The following ACSF3 variants were observed in gnomAD, a reference collection of about 807,000 sequenced individuals.
ACSF3 encodes acyl-CoA synthetase family member 3, also known as malonate--CoA ligase ACSF3, mitochondrial.
In ACSF3, 78 loss-of-function variants were observed where a neutral mutation model predicts 53.2. The ratio of observed to expected loss-of-function variants is 1.47; its 90% CI spans 1.22 to 1.77. ACSF3 has a LOEUF of 1.77. Ranked by LOEUF, ACSF3 falls within the 40% of genes most tolerant of loss-of-function variation. The pLI is 0.00. For missense variants in ACSF3, 937 were observed against 771.1 expected (o/e 1.22, Z -2.55); for synonymous variants, 414 against 333.1 (o/e 1.24, Z -2.65).
intron 6 of ACSF3, among the ~76,000 whole-genome samples, chr16:89,115,526 G>A (rs914768218): frequency 6.6e-6 from 1 of 152,276 alleles, no homozygotes; most frequent in South Asian, 2.1e-4. Context: ...CATCCGTGGT[G>A]TGGGTGCGGC....
intron 10 of ACSF3, chr16:89,149,696 G>A (rs975373306): frequency 6.6e-6 from 1 of 152,304 alleles, no homozygotes; most frequent in African/African-American, 2.4e-5. Flanking sequence ...GAACCGCCCA[G>A]AGTTGGGTGT....
At chr16:89,133,417 G>T (rs1360065824) in intron 8 of ACSF3, among the ~76,000 whole-genome samples, 155 bp downstream of exon 8, 2 of 152,156 alleles carry the variant, frequency 1.3e-5, no homozygotes, top group African/African-American at 4.8e-5. Context: ...CACTGTTACG[G>T]CACTGCCTCC....
chr16:89,095,258 C>G (rs943272124), intron 1 of ACSF3: 1 of 152,182 alleles, frequency 6.6e-6, no homozygotes, highest in African/African-American at 2.4e-5. Flanking sequence ...ACCATCTCCT[C>G]AAGGCAGACA....
At position 89,154,146 on chromosome 16, in the gene ACSF3, C is replaced by T. The variant is rs780364085; in HGVS notation, c.1670C>T (p.Pro557Leu). 18 of 1,613,368 alleles carry T rather than the reference C, an allele frequency of 1.1e-5. No homozygotes were observed. The highest frequency in any genetic ancestry group is 1.0e-4 in the Admixed American group (6 of 59,938). Residue 557 changes from proline to leucine, a missense_variant, in exon 11 of 11, where the codon CCG becomes CTG. Coordinates refer to ENST00000614302, the MANE Select transcript of ACSF3 (RefSeq NM_001243279.3). ...PSELVLVEEI[P>L]RNQMGKIDKK... ...GAGCTGGTGCTGGTGGAGGAGATCC[C>T]GCGGAACCAGATGGGCAAGATTGAC...
chr16:89,125,240 G>C (rs941960723), intron 7 of ACSF3, among the ~76,000 whole-genome samples: 2 of 152,062 alleles, frequency 1.3e-5, no homozygotes, highest in Admixed American at 1.3e-4. Flanking sequence ...CTACTTGGGA[G>C]GCTGAGGCAA....
At chr16:89,118,077 CG>C (rs1905602389) in intron 6 of ACSF3, among the ~76,000 whole-genome samples, 1 of 149,320 alleles carries the variant, frequency 6.7e-6, no homozygotes, top group South Asian at 2.2e-4. Flanking sequence ...CCTCGGGCGC[CG>C]GGGACGCTCT....
chr16:89,154,744 G>A lies in ACSF3; in HGVS notation c.*537G>A, dbSNP rs150142198. 2,020 of 454,120 alleles carry A rather than the reference G, an allele frequency of 4.4e-3. 11 individuals carry two copies. Among genetic ancestry groups the A allele is most frequent in the Non-Finnish European group, 7.4e-3 (1,669 of 226,794 alleles). The allele number at this position is 454,120 out of a possible 1,614,324, so 28.1% of individuals were successfully genotyped here. Reference sequence around the variant, plus strand: ...GAACCAGCCCTGTCCCATGGGTTCCGTGCATTTCCTGGTGCTGCTCTTGGA... The same window carrying A: ...GAACCAGCCCTGTCCCATGGGTTCCATGCATTTCCTGGTGCTGCTCTTGGA... On this transcript the variant is annotated 3_prime_UTR_variant, in exon 11 of 11. Transcript: ENST00000614302.
At chr16:89,095,235 C>T (rs1324981759) in intron 1 of ACSF3, 1 of 152,178 alleles carries the variant, frequency 6.6e-6, no homozygotes, top group African/African-American at 2.4e-5. Flanking sequence ...TGCTCTTGCT[C>T]CTTTGGCTCT....
intron 7 of ACSF3, among the ~76,000 whole-genome samples, chr16:89,127,741 T>C (rs1908434885): frequency 6.6e-6 from 1 of 152,192 alleles, no homozygotes; most frequent in Non-Finnish European, 1.5e-5. Flanking sequence ...AGGTCATCTG[T>C]TGCATCTTGG....
chr16:89,124,140 G>C (rs1444084663), intron 7 of ACSF3, among the ~76,000 whole-genome samples: 2 of 147,546 alleles, frequency 1.4e-5, no homozygotes, highest in African/African-American at 5.0e-5. Context: ...CACACATGCA[G>C]TGTCCACACA....
intron 10 of ACSF3, chr16:89,150,932 A>C (rs906704171): frequency 8.2e-7 from 1 of 1,218,284 alleles, no homozygotes; most frequent in Non-Finnish European, 1.1e-6. Context: ...GATTAATCCA[A>C]ATGTTCCAAC....
intron 7 of ACSF3, among the ~76,000 whole-genome samples, chr16:89,121,962 A>T (rs1292613163): frequency 6.6e-6 from 1 of 150,944 alleles, no homozygotes; most frequent in Non-Finnish European, 1.5e-5. Flanking sequence ...GTGGAGGGCC[A>T]CACGGCGTGT....
chr16:89,138,173 C>T (rs1159888464), intron 8 of ACSF3, among the ~76,000 whole-genome samples: 1 of 152,170 alleles, frequency 6.6e-6, no homozygotes, highest in African/African-American at 2.4e-5. Flanking sequence ...TGGTCCCGGC[C>T]CACAGCCTCT....
chr16:89,138,798 G>T (rs1597215764), intron 8 of ACSF3, among the ~76,000 whole-genome samples: 1 of 152,372 alleles, frequency 6.6e-6, no homozygotes, highest in Non-Finnish European at 1.5e-5. Flanking sequence ...ATGGTCTTCA[G>T]ATGTGTCTTA....
In ACSF3 at chr16:89,100,743, TG is replaced by T; in HGVS notation, c.64del (p.Ala22ArgfsTer96). On this transcript the variant is annotated frameshift_variant, in exon 3 of 11. Coordinates refer to ENST00000614302, the MANE Select transcript of ACSF3 (RefSeq NM_001243279.3). LOFTEE classifies it high-confidence loss of function. ...RLGCALASCR[L>X]APARHRGSGL... ...GGCTGCGCCTTGGCGTCCTGCCGGCTGGCGCCTGCGAGACACAGAGGAAGTG... is the reference window on the plus strand; with the variant it reads ...GGCTGCGCCTTGGCGTCCTGCCGGCTGCGCCTGCGAGACACAGAGGAAGTG... The T allele has an allele frequency of 6.2e-7, 1 of 1,605,996 alleles. No individual in the cohort carries two copies. The highest frequency in any genetic ancestry group is 1.1e-5 in the South Asian group (1 of 91,054).
At chr16:89,102,569 G>C in intron 3 of ACSF3, 35 bp from the exon 4 acceptor site, 1 of 1,611,868 alleles carries the variant, frequency 6.2e-7, no homozygotes, top group Non-Finnish European at 8.5e-7. Flanking sequence ...CCACAGTCTT[G>C]CTCTTGCTCT....
chr16:89,153,946 T>C, intron 10 of ACSF3, 144 bp from the exon 11 acceptor site: 1 of 782,420 alleles, frequency 1.3e-6, no homozygotes, highest in Non-Finnish European at 2.1e-6. Flanking sequence ...GGTGGCCCGG[T>C]GCACCTGCCT....
chr16:89,150,686 T>C (rs28371980), intron 10 of ACSF3: 15,556 of 306,696 alleles, frequency 0.051, 604 homozygotes, highest in East Asian at 0.16. Context: ...GGGACAGGAC[T>C]GGGCAGGGAA....
chr16:89,121,303 A>G (rs1024130489), intron 7 of ACSF3, among the ~76,000 whole-genome samples: 1 of 152,196 alleles, frequency 6.6e-6, no homozygotes, highest in African/African-American at 2.4e-5. Context: ...TAGAAATATG[A>G]ACTGGCCTGA....
Sources: allele counts gnomAD v4.1 joint callset (sites outside exome capture counted in the v4.1 genomes callset), GRCh38; gene constraint gnomAD v4.1.1; transcripts MANE v1.5; gene names NCBI Gene and HGNC (gene_info 2026-07-23, HGNC 2026-07-21).